Variants in SLCO3A1 observed in about 807,000 individuals in gnomAD.
SLCO3A1 encodes the protein solute carrier organic anion transporter family member 3A1, also known as PGE1 transporter.
SLCO3A1 carries 27 observed loss-of-function variants against 63.1 expected under a neutral mutation model. That is an observed-to-expected ratio of 0.43 (90% CI 0.32 to 0.59). The LOEUF (loss-of-function observed/expected upper bound fraction) is 0.59. SLCO3A1 is among the 20% of genes least tolerant of loss of function. The pLI is 0.09. For missense variants in SLCO3A1, 773 were observed against 945.8 expected (o/e 0.82, Z 2.40); for synonymous variants, 473 against 409.9 (o/e 1.15, Z -1.86).
At chr15:92,118,725 G>A (rs762279568) in intron 4 of SLCO3A1, among the ~76,000 whole-genome samples, 21 of 152,158 alleles carry the variant, frequency 1.4e-4, no homozygotes, top group Admixed American at 3.3e-4. Context: ...CCACGGCACT[G>A]ATCAGTTTTT....
intron 2 of SLCO3A1, among the ~76,000 whole-genome samples, chr15:92,050,419 TCA>T (rs1298418520): frequency 2.6e-5 from 4 of 152,294 alleles, no homozygotes; most frequent in Middle Eastern, 6.8e-3. Context: ...TGCGATGTTG[TCA>T]CAGAGTCCCT....
At chr15:92,140,923 A>G (rs148327760) in intron 7 of SLCO3A1, among the ~76,000 whole-genome samples, 1 of 152,262 alleles carries the variant, frequency 6.6e-6, no homozygotes, top group Non-Finnish European at 1.5e-5. Flanking sequence ...GACTGCTGCA[A>G]AACTTGAGCT....
chr15:91,876,239 G>C (rs889848715), intron 1 of SLCO3A1, among the ~76,000 whole-genome samples: 6 of 152,230 alleles, frequency 3.9e-5, no homozygotes, highest in Non-Finnish European at 8.8e-5. Flanking sequence ...AGTTGGGAAA[G>C]TTCATTTAGT....
chr15:91,859,514 A>G lies in SLCO3A1; in HGVS notation c.180+5426A>G, dbSNP rs1235947225. Reference sequence around the variant, plus strand: ...TTAAAACTCCAAGTTAAATGATTACAGTTCCAAGGTGGAGAAAGGCAAGTG... The same window carrying G: ...TTAAAACTCCAAGTTAAATGATTACGGTTCCAAGGTGGAGAAAGGCAAGTG... On this transcript the variant is annotated intron_variant, in intron 1 of 9. Coordinates refer to ENST00000318445, the MANE Select transcript of SLCO3A1 (RefSeq NM_013272.4). This position sits in a 1 kb window ranked among gnomAD's most constrained non-coding sequence, Gnocchi z 5.1. Among the ~76,000 whole-genome samples the G allele has an allele frequency of 6.6e-6, 1 of 152,270 alleles. No individual in the cohort carries two copies. The highest frequency in any genetic ancestry group is 2.4e-5 in the African/African-American group (1 of 41,478).
chr15:91,931,583 G>C (rs77019311), intron 2 of SLCO3A1, among the ~76,000 whole-genome samples: 3,586 of 151,574 alleles, frequency 0.024, 141 homozygotes, highest in African/African-American at 0.083. Flanking sequence ...CAGTTCCCCT[G>C]TCTCAGACTC....
intron 9 of SLCO3A1, among the ~76,000 whole-genome samples, chr15:92,152,090 T>C (rs899901769): frequency 3.3e-5 from 5 of 152,240 alleles, no homozygotes; most frequent in African/African-American, 1.2e-4. Context: ...TTGCAATATT[T>C]TTCCATTTTA....
intron 4 of SLCO3A1, among the ~76,000 whole-genome samples, chr15:92,120,136 A>C (rs1319270336): frequency 6.6e-6 from 1 of 151,970 alleles, no homozygotes; most frequent in African/African-American, 2.4e-5. Flanking sequence ...ACCCTCTGTT[A>C]GTAGAGGATG....
chr15:91,894,119 TA>T lies in SLCO3A1; in HGVS notation c.181-21873del, dbSNP rs1309528510. Among the ~76,000 whole-genome samples, 2 of 152,100 alleles carry T rather than the reference TA, an allele frequency of 1.3e-5. No homozygotes were observed. Among genetic ancestry groups the T allele is most frequent in the African/African-American group, 4.8e-5 (2 of 41,406 alleles). On this transcript the variant is annotated intron_variant, in intron 1 of 9. Transcript: ENST00000318445. This position sits in a 1 kb window ranked among gnomAD's most constrained non-coding sequence, Gnocchi z 4.8. ...ATAAGAGTGTTCCAGGCAGATGCAG[TA>T]GCACATTGTCTCAAGTTGAGGATGG...
At chr15:92,086,834 G>T (rs1471675185) in intron 2 of SLCO3A1, among the ~76,000 whole-genome samples, 1 of 152,010 alleles carries the variant, frequency 6.6e-6, no homozygotes, top group Non-Finnish European at 1.5e-5. Flanking sequence ...AAATTAGCCA[G>T]GCATGGTGCC....
chr15:92,168,600 C>A (rs938499052), downstream of SLCO3A1, among the ~76,000 whole-genome samples: 3 of 152,150 alleles, frequency 2.0e-5, no homozygotes, highest in African/African-American at 7.2e-5. Flanking sequence ...GGGACCCTAG[C>A]GGCTGAGCAT....
At position 92,171,873 on chromosome 15, in the gene SLCO3A1, C is replaced by T. The variant is rs757676338; in HGVS notation, c.*11C>T. ...TTTGTGAGAAGCTGAGGGCCTGGCCCTCTTCCTCTTCCTGGAGAGAACAGC... is the reference window on the plus strand; with the variant it reads ...TTTGTGAGAAGCTGAGGGCCTGGCCTTCTTCCTCTTCCTGGAGAGAACAGC... On this transcript the variant is annotated 3_prime_UTR_variant, in exon 11 of 11. Coordinates refer to the SLCO3A1 transcript ENST00000424469. The T allele has an allele frequency of 5.8e-6, 9 of 1,544,572 alleles. No homozygotes were observed. The South Asian group carries it at 8.3e-5, about 14-fold the overall frequency.
intron 2 of SLCO3A1, among the ~76,000 whole-genome samples, chr15:92,087,997 C>T (rs1007607625): frequency 2.0e-5 from 3 of 152,116 alleles, no homozygotes; most frequent in African/African-American, 7.2e-5. Flanking sequence ...GGAGGTACAT[C>T]GAGTGGGAGA....
At chr15:92,035,038 G>A (rs2046706816) in intron 2 of SLCO3A1, among the ~76,000 whole-genome samples, 1 of 151,862 alleles carries the variant, frequency 6.6e-6, no homozygotes, top group South Asian at 2.1e-4. Flanking sequence ...AGTTAAAGAG[G>A]CAGGGCAGGA....
chr15:92,089,908 C>A (rs750863214), intron 2 of SLCO3A1, among the ~76,000 whole-genome samples: 1 of 152,136 alleles, frequency 6.6e-6, no homozygotes, highest in African/African-American at 2.4e-5. Flanking sequence ...TGGTTCACAG[C>A]GTCCTGAGTC....
At chr15:91,976,520 G>A (rs1261622372) in intron 2 of SLCO3A1, among the ~76,000 whole-genome samples, 1 of 152,284 alleles carries the variant, frequency 6.6e-6, no homozygotes, top group South Asian at 2.1e-4. Flanking sequence ...TTCTGTACGT[G>A]CCATTGGGCT....
intron 6 of SLCO3A1, among the ~76,000 whole-genome samples, chr15:92,127,611 G>T (rs1194706646): frequency 6.6e-6 from 1 of 152,198 alleles, no homozygotes; most frequent in Non-Finnish European, 1.5e-5. Flanking sequence ...AGCTGAAAAT[G>T]ATCAGAGTAA....
intron 2 of SLCO3A1, among the ~76,000 whole-genome samples, chr15:91,956,810 G>C (rs118149749): frequency 1.6e-5 from 2 of 128,732 alleles, no homozygotes; most frequent in Non-Finnish European, 3.2e-5. Context: ...TTTTTTTTGC[G>C]ATGGATTCTC....
At chr15:92,112,480 C>T (rs755665062) in intron 4 of SLCO3A1, among the ~76,000 whole-genome samples, 10 of 152,218 alleles carry the variant, frequency 6.6e-5, no homozygotes, top group Admixed American at 6.5e-5. Context: ...GTGTGGGCCA[C>T]AGCCCAGGAA....
intron 2 of SLCO3A1, among the ~76,000 whole-genome samples, chr15:92,037,284 G>C (rs2046740091): frequency 6.6e-6 from 1 of 152,168 alleles, no homozygotes; most frequent in South Asian, 2.1e-4. Context: ...TTCCTGGCTT[G>C]TCCTGGAGGA....
Sources: gnomAD v4.1 joint callset for allele counts (sites outside exome capture counted in the v4.1 genomes callset) on GRCh38, gnomAD v4.1.1 for gene constraint, Gnocchi (gnomAD v3.1) non-coding constraint, MANE v1.5 for transcripts, NCBI Gene and HGNC (gene_info 2026-07-23, HGNC 2026-07-21) for gene names.